FBLN2: variants seen among roughly 807,000 people sequenced by gnomAD.
FBLN2 encodes the protein fibulin 2, also known as fibulin-2.
A neutral mutation model predicts 123.7 loss-of-function variants in FBLN2; 81 were observed. The ratio of observed to expected loss-of-function variants is 0.65; its 90% CI spans 0.55 to 0.79. The LOEUF is 0.79. Ranked by LOEUF, FBLN2 falls within the 30% of genes least tolerant of loss-of-function variation. The probability of loss-of-function intolerance (pLI) is 0.00; values close to 1 mark genes in which losing one functional copy is unlikely to be tolerated. For synonymous variants in FBLN2, 699 were observed against 701.4 expected (o/e 1.00, Z 0.05); for missense variants, 1,603 against 1,681.3 (o/e 0.95, Z 0.81).
intron 2 of FBLN2, among the ~76,000 whole-genome samples, chr3:13,577,458 G>A (rs988111317): frequency 6.6e-6 from 1 of 152,202 alleles, no homozygotes; most frequent in African/African-American, 2.4e-5. Flanking sequence ...AGGTCACTGG[G>A]GCAGGCTGTC....
chr3:13,586,877 G>T (rs1313813719), intron 2 of FBLN2, among the ~76,000 whole-genome samples: 4 of 151,266 alleles, frequency 2.6e-5, no homozygotes, highest in Admixed American at 2.0e-4. Context: ...GCTGGGTGCG[G>T]TGGCTTATGC....
At chr3:13,590,301 G>A (rs565194106) in intron 2 of FBLN2, among the ~76,000 whole-genome samples, 8 of 152,146 alleles carry the variant, frequency 5.3e-5, no homozygotes, top group Middle Eastern at 3.4e-3. Context: ...GAGCCACCAT[G>A]CCTGGCCTAA....
intron 2 of FBLN2, among the ~76,000 whole-genome samples, chr3:13,576,326 G>A (rs2124833307): frequency 6.6e-6 from 1 of 152,304 alleles, no homozygotes; most frequent in South Asian, 2.1e-4. Context: ...TATCACACAG[G>A]CCTCTCTTCC....
chr3:13,566,231 G>A (rs997676833), intron 1 of FBLN2, among the ~76,000 whole-genome samples: 7 of 152,214 alleles, frequency 4.6e-5, no homozygotes, highest in South Asian at 2.1e-4. Flanking sequence ...CAGAAGCCGG[G>A]GTTGTGGGAA....
At chr3:13,586,115 G>A (rs1333451540) in intron 2 of FBLN2, among the ~76,000 whole-genome samples, 3 of 152,130 alleles carry the variant, frequency 2.0e-5, no homozygotes, top group Admixed American at 6.5e-5. Flanking sequence ...GGTGGAAGGC[G>A]GTAATATTGA....
Position 13,637,572 on chromosome 3 carries a change from C to T in FBLN2, c.3349C>T (p.Arg1117Cys), listed in dbSNP as rs1243966226. Residue 1117 changes from arginine (R) to cysteine (C), a missense_variant, in exon 18 of 18, where the codon CGC (arginine) becomes TGC (cysteine). Physicochemically the swap from Arg to Cys is radical, Grantham distance 180. Transcript: ENST00000404922. ...CTATCCTCCCTGCAGGAAGTGCGAG[C>T]GCACCACGTGCCATGACTTCCTGGA... ...YVQVSKTKCE[R>C]TTCHDFLECQ... is the part of the protein sequence containing the mutation. 6 of 1,605,158 alleles carry T rather than the reference C, an allele frequency of 3.7e-6. No individual in the cohort carries two copies. Among genetic ancestry groups the T allele is most frequent in the Non-Finnish European group, 4.3e-6 (5 of 1,174,062 alleles).
chr3:13,631,972 G>T (rs1197752565), intron 16 of FBLN2, among the ~76,000 whole-genome samples: 1 of 150,332 alleles, frequency 6.7e-6, no homozygotes, highest in Non-Finnish European at 1.5e-5. Context: ...GCTGGGAGGG[G>T]CTGCACAATG....
At position 13,618,263 on chromosome 3, in the gene FBLN2, C is replaced by T. The variant is rs200610728; in HGVS notation, c.1917C>T (p.Asp639=). ...CACFPGFSLQ[D]DGRTCRPEGH... is the part of the protein sequence containing the mutation. Reference sequence around the variant, plus strand: ...GCTTTCCTGGCTTCTCACTGCAGGACGATGGCCGCACTTGCCGCCCAGGTA... The same window carrying T: ...GCTTTCCTGGCTTCTCACTGCAGGATGATGGCCGCACTTGCCGCCCAGGTA... The change falls in exon 6 of 18, where the codon GAC becomes GAT. Residue 639 remains aspartate, a synonymous_variant. Coordinates refer to ENST00000404922, the MANE Select transcript of FBLN2 (RefSeq NM_001004019.2). 8.1e-5 allele frequency: 130 copies of T among 1,613,856 alleles called. No homozygotes were observed. The highest frequency in any genetic ancestry group is 1.0e-4 in the Non-Finnish European group (119 of 1,179,884).
rs752420018 is a variant in FBLN2, at chr3:13,570,512, G to A, written c.157G>A (p.Ala53Thr). The change falls in exon 2 of 18, where the codon GCC (alanine) becomes ACC (threonine). Residue 53 changes from alanine (A) to threonine (T), a missense_variant. Coordinates refer to ENST00000404922, the MANE Select transcript of FBLN2 (RefSeq NM_001004019.2). ...NCIEEALEPG[A>T]CCATCVQQGC... ...CATTGAGGAGGCGCTGGAGCCGGGTGCCTGCTGTGCCACGTGTGTGCAGCA... is the reference window on the plus strand; with the variant it reads ...CATTGAGGAGGCGCTGGAGCCGGGTACCTGCTGTGCCACGTGTGTGCAGCA... 36 of 1,586,078 alleles carry A rather than the reference G, an allele frequency of 2.3e-5. No homozygotes were observed. In the Admixed American group the frequency reaches 6.2e-4, roughly 27 times the overall value.
At chr3:13,618,589 A>T (rs1024561908) in intron 6 of FBLN2, among the ~76,000 whole-genome samples, 1 of 152,220 alleles carries the variant, frequency 6.6e-6, no homozygotes, top group Non-Finnish European at 1.5e-5. Context: ...TGCTGGGCCC[A>T]TGGTGATCCT....
chr3:13,630,943 C>T (rs1296764135), intron 15 of FBLN2, 128 bp downstream of exon 15: 3 of 719,994 alleles, frequency 4.2e-6, no homozygotes, highest in Middle Eastern at 2.8e-4. Flanking sequence ...GTTCAAGCCC[C>T]AGCCCTGCAG....
chr3:13,608,145 G>T lies in FBLN2; in HGVS notation c.1390G>T (p.Glu464Ter). The stretch of plus-strand genomic sequence containing the variant: ...CAATGACGAGTGCCTGGAGATCCCT[G>T]AGAGTGGCACTGAGGACAACGTCTG... ...IDNDECLEIPESGTEDNVCRT... is the reference protein window; with the variant it reads ...IDNDECLEIP The change falls in exon 3 of 18, where the codon GAG becomes TAG. Residue 464 changes from glutamate (E) to a stop codon, truncating the protein, a stop_gained. Coordinates refer to ENST00000404922, the MANE Select transcript of FBLN2 (RefSeq NM_001004019.2). LOFTEE classifies it high-confidence loss of function. 6.3e-7 allele frequency: 1 copy of T among 1,595,592 alleles called. No homozygotes were observed. The highest frequency in any genetic ancestry group is 1.1e-5 in the South Asian group (1 of 87,360).
At chr3:13,584,604 G>A (rs1414987476) in intron 2 of FBLN2, among the ~76,000 whole-genome samples, 1 of 152,210 alleles carries the variant, frequency 6.6e-6, no homozygotes, top group Non-Finnish European at 1.5e-5. Flanking sequence ...CATAGGTAGA[G>A]GCAACTGTGC....
intron 1 of FBLN2, among the ~76,000 whole-genome samples, chr3:13,554,615 G>T (rs1382156994): frequency 1.2e-4 from 2 of 16,238 alleles, no homozygotes; most frequent in African/African-American, 3.5e-4. Flanking sequence ...GTGGTGGTTG[G>T]TGTTGGCTGA....
At chr3:13,624,478 C>T (rs1342399617) in intron 9 of FBLN2, among the ~76,000 whole-genome samples, 1 of 152,226 alleles carries the variant, frequency 6.6e-6, no homozygotes, top group Non-Finnish European at 1.5e-5. Context: ...TTGGAAACCA[C>T]TGGCCCAGAA....
chr3:13,603,639 A>G (rs1003587657), intron 2 of FBLN2, among the ~76,000 whole-genome samples: 71 of 152,080 alleles, frequency 4.7e-4, no homozygotes, highest in African/African-American at 1.7e-3. Flanking sequence ...TCTATCATTG[A>G]TGGACGTTTG....
At chr3:13,596,755 C>A (rs1021639554) in intron 2 of FBLN2, among the ~76,000 whole-genome samples, 1 of 151,868 alleles carries the variant, frequency 6.6e-6, no homozygotes, top group Admixed American at 6.6e-5. Context: ...ATTCCATTTT[C>A]TGTCTCTATG....
At position 13,571,042 on chromosome 3, in the gene FBLN2, A is replaced by C; in HGVS notation, c.687A>C (p.Pro229=). 6.4e-7 allele frequency: 1 copy of C among 1,567,534 alleles called. No individual in the cohort carries two copies. Among genetic ancestry groups the C allele is most frequent in the Non-Finnish European group, 8.6e-7 (1 of 1,157,120 alleles). The change falls in exon 2 of 18, where the codon CCA becomes CCC. Residue 229 remains proline, a synonymous_variant. Transcript: ENST00000404922. ...TCCAGGCAGGCGCAGGGGGCCCCCCAGCTGCTCTGGGAGGTGGGAGTCAGC... is the reference window on the plus strand; with the variant it reads ...TCCAGGCAGGCGCAGGGGGCCCCCCCGCTGCTCTGGGAGGTGGGAGTCAGC... ...GAVQAGAGGP[P]AALGGGSQPL...
At chr3:13,552,416 G>A (rs908356076) in intron 1 of FBLN2, among the ~76,000 whole-genome samples, 5 of 152,096 alleles carry the variant, frequency 3.3e-5, no homozygotes, top group Non-Finnish European at 7.4e-5. Context: ...GGTGGTGGAC[G>A]TAAACACCAT....
Sources: gnomAD v4.1 joint callset for allele counts (sites outside exome capture counted in the v4.1 genomes callset) on GRCh38, gnomAD v4.1.1 for gene constraint, MANE v1.5 for transcripts, NCBI Gene and HGNC (gene_info 2026-07-23, HGNC 2026-07-21) for gene names.